The following FGF12 variants were observed in gnomAD, a reference collection of about 807,000 sequenced individuals.
FGF12 encodes fibroblast growth factor 12, also known as fibroblast growth factor 12B.
In FGF12, 14 loss-of-function variants were observed where a neutral mutation model predicts 23.6. The ratio of observed to expected loss-of-function variants is 0.59; its 90% CI spans 0.39 to 0.93. FGF12 has a LOEUF of 0.93. Ranked by LOEUF, FGF12 falls within the 40% of genes least tolerant of loss-of-function variation. FGF12 has a pLI of 0.00. For synonymous variants in FGF12, 62 were observed against 77.3 expected, an observed-to-expected ratio of 0.80 and a Z score of 1.04; for missense variants, 175 against 217.8, an observed-to-expected ratio of 0.80 and a Z score of 1.24.
At chr3:192,511,812 C>CT (rs1380377594) in intron 2 of FGF12, among the ~76,000 whole-genome samples, 1 of 152,076 alleles carries the variant, frequency 6.6e-6, no homozygotes, top group Non-Finnish European at 1.5e-5. Flanking sequence ...ATAGCTTATA[C>CT]CCATCCTACT....
intron 4 of FGF12, among the ~76,000 whole-genome samples, chr3:192,177,370 T>G (rs942066329): frequency 6.6e-6 from 1 of 152,222 alleles, no homozygotes; most frequent in Non-Finnish European, 1.5e-5. Context: ...CTTTAAAGGC[T>G]TCTACATTTT....
At chr3:192,630,434 TA>T (rs879592718) in intron 2 of FGF12, among the ~76,000 whole-genome samples, 159 of 144,574 alleles carry the variant, frequency 1.1e-3, no homozygotes, top group South Asian at 3.9e-3. Context: ...AAATCAGGGC[TA>T]AAAAAAAAAA....
chr3:192,325,815 C>T (rs1211326271), intron 4 of FGF12, among the ~76,000 whole-genome samples: 1 of 152,124 alleles, frequency 6.6e-6, no homozygotes, highest in Non-Finnish European at 1.5e-5. Context: ...GAAAGAAAAA[C>T]ATGGCAATAT....
intron 2 of FGF12, among the ~76,000 whole-genome samples, chr3:192,417,392 A>G (rs780560024): frequency 6.6e-6 from 1 of 151,740 alleles, no homozygotes; most frequent in African/African-American, 2.4e-5. Context: ...TGATCTGTGT[A>G]TAAGAGTAGA....
rs539557918 is a variant in FGF12, at chr3:192,604,708, C to G, written c.13+122473G>C. 3.3e-5 allele frequency among the ~76,000 whole-genome samples: 5 copies of G among 152,252 alleles called. No individual in the cohort carries two copies. In the South Asian group the frequency reaches 1.0e-3, roughly 32 times the overall value. On this transcript the variant is annotated intron_variant, in intron 2 of 5. Coordinates refer to ENST00000445105, the MANE Select transcript of FGF12 (RefSeq NM_004113.6). Reference sequence around the variant, plus strand: ...TTTTACAGAACTAGAAAAAACTATTCTAAAATTCATATGCAACCACAAAAG... The same window carrying G: ...TTTTACAGAACTAGAAAAAACTATTGTAAAATTCATATGCAACCACAAAAG...
intron 4 of FGF12, among the ~76,000 whole-genome samples, chr3:192,216,934 T>A (rs911221866): frequency 4.6e-5 from 7 of 152,226 alleles, no homozygotes; most frequent in Non-Finnish European, 8.8e-5. Context: ...TGTGAGAAGA[T>A]GAATTAATCG....
At chr3:192,165,585 T>C (rs1284867357) in intron 5 of FGF12, among the ~76,000 whole-genome samples, 2 of 152,074 alleles carry the variant, frequency 1.3e-5, no homozygotes, top group Non-Finnish European at 2.9e-5. Flanking sequence ...AAGTGATGCA[T>C]TGTTAATTCT....
chr3:192,159,326 A>G (rs1714732398), intron 5 of FGF12, among the ~76,000 whole-genome samples: 1 of 152,208 alleles, frequency 6.6e-6, no homozygotes, highest in South Asian at 2.1e-4. Flanking sequence ...GATACAGTTA[A>G]TTATTTCCTC....
At position 192,456,968 on chromosome 3, in the gene FGF12, G is replaced by A. The variant is rs372595791; in HGVS notation, c.14-96430C>T. 4.3e-4 allele frequency among the ~76,000 whole-genome samples: 66 copies of A among 152,304 alleles called. 1 individual carries two copies. The highest frequency in any genetic ancestry group is 1.5e-3 in the African/African-American group (64 of 41,558). On this transcript the variant is annotated intron_variant, in intron 2 of 5. Coordinates refer to ENST00000445105, the MANE Select transcript of FGF12 (RefSeq NM_004113.6). ...ATGTGTTGTGGGAGGGACCCAGTGG[G>A]AAATAATTTGAATCATGGGGGCAGT...
chr3:192,665,570 C>T (rs1716836847), intron 2 of FGF12, among the ~76,000 whole-genome samples: 1 of 130,048 alleles, frequency 7.7e-6, no homozygotes, highest in African/African-American at 3.0e-5. Context: ...AACACAGGGA[C>T]ACAGGGAGGG....
At chr3:192,162,545 A>G (rs1191246791) in intron 5 of FGF12, among the ~76,000 whole-genome samples, 2 of 152,130 alleles carry the variant, frequency 1.3e-5, no homozygotes, top group Admixed American at 1.3e-4. Flanking sequence ...GCAGGAGGAA[A>G]GTATCACAGG....
intron 2 of FGF12, among the ~76,000 whole-genome samples, chr3:192,580,308 T>A (rs1713080051): frequency 6.8e-6 from 1 of 146,872 alleles, no homozygotes; most frequent in South Asian, 2.1e-4. Flanking sequence ...TATCATGGAG[T>A]CAACATTTCT....
In FGF12 at chr3:192,510,980, G is replaced by A. The variant is rs556659326; in HGVS notation, c.14-150442C>T. ...TCAGGGATTAGGAAAGATGGAGTTT[G>A]AGGTATGTGTTTTTTATAGGATCGT... On this transcript the variant is annotated intron_variant, in intron 2 of 5. Coordinates refer to ENST00000445105, the MANE Select transcript of FGF12 (RefSeq NM_004113.6). 1.3e-4 allele frequency among the ~76,000 whole-genome samples: 20 copies of A among 152,288 alleles called. No individual in the cohort carries two copies. In the South Asian group the frequency reaches 3.9e-3, roughly 30 times the overall value.
intron 3 of FGF12, among the ~76,000 whole-genome samples, chr3:192,345,313 TTA>T (rs1717900134): frequency 6.6e-6 from 1 of 152,140 alleles, no homozygotes; most frequent in African/African-American, 2.4e-5. Context: ...TTTCCCAAGG[TTA>T]TAAAGTCAGC....
intron 2 of FGF12, among the ~76,000 whole-genome samples, chr3:192,665,772 C>A (rs1359906604): frequency 3.9e-5 from 5 of 129,642 alleles, no homozygotes; most frequent in African/African-American, 1.4e-4. Flanking sequence ...TATCCCAGAA[C>A]TTAAAGTAAA....
intron 2 of FGF12, among the ~76,000 whole-genome samples, chr3:192,509,563 C>T (rs780067884): frequency 2.0e-5 from 3 of 152,136 alleles, no homozygotes; most frequent in Admixed American, 6.5e-5. Flanking sequence ...CTGAGTTTTT[C>T]AGAGTCTTGC....
At chr3:192,296,762 AT>A (rs1715065235) in intron 4 of FGF12, among the ~76,000 whole-genome samples, 1 of 152,166 alleles carries the variant, frequency 6.6e-6, no homozygotes, top group Non-Finnish European at 1.5e-5. Context: ...TGTCCTGCAA[AT>A]TTGATAATAT....
intron 2 of FGF12, among the ~76,000 whole-genome samples, chr3:192,503,634 C>T (rs1724202095): frequency 7.4e-6 from 1 of 134,446 alleles, no homozygotes. Flanking sequence ...GATGGAGTCT[C>T]TCACTCTGTC....
chr3:192,161,130 C>T (rs1461429421), intron 5 of FGF12, among the ~76,000 whole-genome samples: 2 of 152,048 alleles, frequency 1.3e-5, no homozygotes, highest in Admixed American at 6.6e-5. Context: ...TTCTAAGGAT[C>T]ATTGCATCAG....
Sources: allele counts gnomAD v4.1 joint callset (sites outside exome capture counted in the v4.1 genomes callset), GRCh38; gene constraint gnomAD v4.1.1; transcripts MANE v1.5; gene names NCBI Gene and HGNC (gene_info 2026-07-23, HGNC 2026-07-21).